UTRN: variants seen among roughly 807,000 people sequenced by gnomAD.
The protein encoded by UTRN is utrophin.
Under a neutral mutation model 463.9 loss-of-function variants are expected in UTRN, and 283 were observed. That is an observed-to-expected ratio of 0.61 (90% CI 0.55 to 0.67). UTRN has a LOEUF of 0.67. Ranked by LOEUF, UTRN falls within the 30% of genes least tolerant of loss-of-function variation. The pLI is 0.00. For synonymous variants in UTRN, 1,442 were observed against 1,431.5 expected (o/e 1.01, Z -0.17); for missense variants, 3,922 against 4,084.3 (o/e 0.96, Z 1.08).
chr6:144,585,381 G>A (rs777390728), intron 51 of UTRN, among the ~76,000 whole-genome samples: 103 of 152,016 alleles, frequency 6.8e-4, no homozygotes, highest in Non-Finnish European at 1.3e-3. Flanking sequence ...CCTGATTAAC[G>A]CAATGAGAAA....
chr6:144,400,537 C>T (rs1250684887), intron 2 of UTRN, among the ~76,000 whole-genome samples: 1 of 152,108 alleles, frequency 6.6e-6, no homozygotes, highest in Non-Finnish European at 1.5e-5. Flanking sequence ...ATTTCAATCT[C>T]ATAATTGAAA....
chr6:144,758,497 G>A (rs551316617), intron 58 of UTRN, among the ~76,000 whole-genome samples: 1 of 152,028 alleles, frequency 6.6e-6, no homozygotes, highest in Non-Finnish European at 1.5e-5. Context: ...GTGAAATATT[G>A]TCAAGTTTTT....
At chr6:144,757,536 T>G (rs575576856) in intron 57 of UTRN, among the ~76,000 whole-genome samples, 5 of 152,110 alleles carry the variant, frequency 3.3e-5, no homozygotes, top group Non-Finnish European at 5.9e-5. Flanking sequence ...AAATTCGGTC[T>G]TGAAAAATCT....
In UTRN at chr6:144,678,579, GTCAGAATAGTCAATA is replaced by G. The variant is rs1562753264; in HGVS notation, c.7652+5_7652+19del. ...TAAAAGCAAAATCTGCTAGCATCAG[GTCAGAATAGTCAATA>G]TCAAAATAAAAATAATGGGGTGGAA... On this transcript the variant is annotated splice_donor_variant and splice_donor_5th_base_variant and intron_variant, in intron 52 of 74. Transcript: ENST00000367545. LOFTEE classifies it high-confidence loss of function. 3 of 1,591,626 alleles carry G rather than the reference GTCAGAATAGTCAATA, an allele frequency of 1.9e-6. No individual in the cohort carries two copies.
At position 144,437,710 on chromosome 6, in the gene UTRN, A is replaced by T. The variant is rs746068566; in HGVS notation, c.1205A>T (p.Glu402Val). 6.2e-7 allele frequency: 1 copy of T among 1,614,088 alleles called. No individual in the cohort carries two copies. Among genetic ancestry groups the T allele is most frequent in the Non-Finnish European group, 8.5e-7 (1 of 1,179,988 alleles). Residue 402 changes from glutamate to valine, a missense_variant, in exon 11 of 75, where the codon GAG becomes GTG. Glu to Val is a moderately radical substitution (Grantham distance 121, BLOSUM62 -2). Coordinates refer to ENST00000367545, the MANE Select transcript of UTRN (RefSeq NM_007124.3). ...ATGACCCTGCTGAATGCTAGATGGG[A>T]GGCTCTTAGGGTGGAGAGTATGGAC... ...EQMTLLNARW[E>V]ALRVESMDRQ... is the part of the protein sequence containing the mutation.
intron 51 of UTRN, among the ~76,000 whole-genome samples, chr6:144,672,091 T>C (rs1407661609): frequency 6.6e-6 from 1 of 152,156 alleles, no homozygotes; most frequent in Non-Finnish European, 1.5e-5. Flanking sequence ...TGCATCTGTG[T>C]TTATCAGTGA....
intron 2 of UTRN, among the ~76,000 whole-genome samples, chr6:144,348,951 A>G (rs1777850219): frequency 6.6e-6 from 1 of 152,136 alleles, no homozygotes; most frequent in South Asian, 2.1e-4. Flanking sequence ...AAACAAAAAC[A>G]AAAGAAAAGA....
rs1804287343 is a variant in UTRN at position 144,291,973 on chromosome 6, T to C, written c.79+66T>C. ...ATTTAGAAAACCTATGTTTCTTGGA[T>C]TGATTTGCATTGTTCTTGCAAGAAC... On this transcript the variant is annotated intron_variant, in intron 2 of 74. Coordinates refer to ENST00000367545, the MANE Select transcript of UTRN (RefSeq NM_007124.3). The C allele has an allele frequency of 6.1e-6, 9 of 1,483,496 alleles. No individual in the cohort carries two copies. The South Asian group carries it at 1.0e-4, about 17-fold the overall frequency. The allele number at this position is 1,483,496 out of a possible 1,614,324, so 91.9% of individuals were successfully genotyped here.
At chr6:144,795,619 C>G (rs1777144822) in intron 63 of UTRN, among the ~76,000 whole-genome samples, 1 of 152,136 alleles carries the variant, frequency 6.6e-6, no homozygotes, top group Non-Finnish European at 1.5e-5. Context: ...TCTCTAATGA[C>G]CAGTGATGAT....
chr6:144,440,824 C>A (rs1040170435), intron 13 of UTRN, among the ~76,000 whole-genome samples: 1 of 152,206 alleles, frequency 6.6e-6, no homozygotes, highest in Non-Finnish European at 1.5e-5. Flanking sequence ...CTTACAGTTC[C>A]ATGTGGCTGG....
Position 144,555,051 on chromosome 6 carries a change from T to A in UTRN, c.7134+158T>A, listed in dbSNP as rs150110330. On this transcript the variant is annotated intron_variant, in intron 49 of 74. Transcript: ENST00000367545. ...ATATGAAGAATTTGATCTGGAAGATTTTTTTCGAAAAATTTCTGGAGGCAT... is the reference window on the plus strand; with the variant it reads ...ATATGAAGAATTTGATCTGGAAGATATTTTTCGAAAAATTTCTGGAGGCAT... Among the ~76,000 whole-genome samples the A allele has an allele frequency of 7.9e-5, 12 of 152,292 alleles. No individual in the cohort carries two copies. The East Asian group carries it at 2.3e-3, about 29-fold the overall frequency.
At chr6:144,737,687 A>T (rs1307872181) in intron 54 of UTRN, among the ~76,000 whole-genome samples, 1 of 152,246 alleles carries the variant, frequency 6.6e-6, no homozygotes, top group Non-Finnish European at 1.5e-5. Flanking sequence ...AACTAAAATT[A>T]TCTGAATCCT....
chr6:144,489,949 G>A (rs1477488867), intron 30 of UTRN, 122 bp from the exon 31 acceptor site: 2 of 1,389,400 alleles, frequency 1.4e-6, no homozygotes, highest in African/African-American at 1.5e-5. Flanking sequence ...TTCTGTGGAG[G>A]TCAACATTAT....
chr6:144,691,368 C>T (rs371776920), intron 52 of UTRN, among the ~76,000 whole-genome samples: 12 of 152,350 alleles, frequency 7.9e-5, no homozygotes, highest in South Asian at 2.1e-4. Flanking sequence ...CCACCCTCCT[C>T]GGCCTTCCAA....
Position 144,499,365 on chromosome 6 carries a change from G to T in UTRN, c.4702G>T (p.Val1568Leu). The change falls in exon 34 of 75, where the codon GTA becomes TTA. Residue 1568 changes from valine (V) to leucine (L), a missense_variant. Physicochemically the swap from Val to Leu is conservative, Grantham distance 32. Transcript: ENST00000367545. ...GCTTTCTGCTACTGAAACTGAATTG[G>T]TACAGAAGTCCACTTCAGAAGGTCT... ...EWLSATETEL[V>L]QKSTSEGLLG... 6.2e-7 allele frequency: 1 copy of T among 1,613,344 alleles called. No individual in the cohort carries two copies. Among genetic ancestry groups the T allele is most frequent in the Non-Finnish European group, 8.5e-7 (1 of 1,179,512 alleles).
chr6:144,438,481 C>G (rs1227113151), intron 11 of UTRN, among the ~76,000 whole-genome samples: 1 of 152,192 alleles, frequency 6.6e-6, no homozygotes, highest in African/African-American at 2.4e-5. Flanking sequence ...ATTTAATAAG[C>G]AGGAATTCCT....
chr6:144,364,714 A>G (rs1380066993), intron 2 of UTRN, among the ~76,000 whole-genome samples: 1 of 152,180 alleles, frequency 6.6e-6, no homozygotes, highest in African/African-American at 2.4e-5. Context: ...CACGGGTCTT[A>G]CTGAGCTAAA....
At chr6:144,554,610 A>G in intron 48 of UTRN, 78 bp from the exon 49 acceptor site, 7 of 1,474,408 alleles carry the variant, frequency 4.7e-6, no homozygotes, top group Non-Finnish European at 6.5e-6. Context: ...TTTGTGATAC[A>G]TTTGATATAT....
intron 53 of UTRN, 69 bp downstream of exon 53, chr6:144,700,312 A>T (rs1784450047): frequency 6.7e-7 from 1 of 1,482,878 alleles, no homozygotes; most frequent in African/African-American, 1.4e-5. Flanking sequence ...AAATACAATT[A>T]TAGATAAGTA....
Sources: gnomAD v4.1 joint callset for allele counts (sites outside exome capture counted in the v4.1 genomes callset) on GRCh38, gnomAD v4.1.1 for gene constraint, MANE v1.5 for transcripts, NCBI Gene and HGNC (gene_info 2026-07-23, HGNC 2026-07-21) for gene names.